Variants in ANKFN1 observed in about 807,000 individuals in gnomAD.
The protein encoded by ANKFN1 is ankyrin repeat and fibronectin type-III domain-containing protein 1.
Under a neutral mutation model 108.7 loss-of-function variants are expected in ANKFN1, and 74 were observed. That is an observed-to-expected ratio of 0.68 (90% CI 0.56 to 0.83). ANKFN1 has a LOEUF of 0.83. Ranked by LOEUF, ANKFN1 falls within the 40% of genes least tolerant of loss-of-function variation. ANKFN1 has a pLI of 0.00. For missense variants in ANKFN1, 1,505 were observed against 1,382.3 expected, an observed-to-expected ratio of 1.09 and a Z score of -1.41; for synonymous variants, 547 against 516.2, an observed-to-expected ratio of 1.06 and a Z score of -0.81.
Position 56,510,678 on chromosome 17 carries a change from G to A in ANKFN1, c.2850G>A (p.Gly950=). The change falls in exon 21 of 21, where the codon GGG becomes GGA. Residue 950 remains glycine, a synonymous_variant. Coordinates refer to ENST00000682825, the MANE Select transcript of ANKFN1 (RefSeq NM_001370326.1). ...LQVHDVKTPL[G]PGQDPQGEGP... ...TGCACGACGTGAAAACCCCTCTGGG[G>A]CCGGGCCAGGATCCCCAGGGCGAGG... The A allele has an allele frequency of 5.2e-6, 8 of 1,536,146 alleles. No individual in the cohort carries two copies. Among genetic ancestry groups the A allele is most frequent in the Non-Finnish European group, 6.1e-6 (7 of 1,146,920 alleles).
At chr17:56,088,204 A>C (rs1407983627) in intron 4 of ANKFN1, among the ~76,000 whole-genome samples, 1 of 151,266 alleles carries the variant, frequency 6.6e-6, no homozygotes, top group Non-Finnish European at 1.5e-5. Flanking sequence ...GTTTTTTAGC[A>C]CCAGCTAGAA....
intron 4 of ANKFN1, among the ~76,000 whole-genome samples, chr17:56,090,784 A>T (rs188455407): frequency 0.013 from 1,907 of 150,992 alleles, 90 homozygotes; most frequent in African/African-American, 0.044. Context: ...TTTTAAAAAA[A>T]TTTTGTACAG....
intron 8 of ANKFN1, among the ~76,000 whole-genome samples, chr17:56,382,999 T>C (rs1169882717): frequency 6.6e-6 from 1 of 151,912 alleles, no homozygotes; most frequent in Non-Finnish European, 1.5e-5. Flanking sequence ...TCTACAGAAC[T>C]CTCCACCCCA....
chr17:56,109,722 C>T (rs8065460), intron 4 of ANKFN1, among the ~76,000 whole-genome samples: 23,635 of 152,202 alleles, frequency 0.16, 2,027 homozygotes, highest in East Asian at 0.28. Context: ...GTAGGAAGTA[C>T]AGTATTAATA....
chr17:56,125,547 T>C (rs2143317144), intron 4 of ANKFN1, among the ~76,000 whole-genome samples: 1 of 152,336 alleles, frequency 6.6e-6, no homozygotes, highest in African/African-American at 2.4e-5. Flanking sequence ...GTGCTTACCA[T>C]GTTCCAGATA....
chr17:56,163,415 C>T (rs1444944668), intron 1 of ANKFN1, among the ~76,000 whole-genome samples: 3 of 152,220 alleles, frequency 2.0e-5, no homozygotes, highest in Non-Finnish European at 2.9e-5. Context: ...TGTAGCGGTG[C>T]AGAAAGCCCT....
At chr17:56,156,986 C>A (rs1037308678) in intron 1 of ANKFN1, among the ~76,000 whole-genome samples, 1 of 152,176 alleles carries the variant, frequency 6.6e-6, no homozygotes. Flanking sequence ...CATTCTTCTC[C>A]CTTAATTGGC....
intron 4 of ANKFN1, among the ~76,000 whole-genome samples, chr17:56,137,151 T>C (rs8075366): frequency 0.18 from 27,498 of 152,116 alleles, 2,861 homozygotes; most frequent in East Asian, 0.28. Flanking sequence ...ATCCAGCAGG[T>C]CAGATGTATT....
intron 4 of ANKFN1, among the ~76,000 whole-genome samples, chr17:56,141,249 A>G (rs1907899785): frequency 6.6e-6 from 1 of 152,198 alleles, no homozygotes; most frequent in Admixed American, 6.5e-5. Context: ...GCGCCACCAC[A>G]AGCCAATCTT....
At chr17:56,236,224 C>CT (rs1228932224) in intron 3 of ANKFN1, among the ~76,000 whole-genome samples, 2 of 151,596 alleles carry the variant, frequency 1.3e-5, no homozygotes, top group Admixed American at 6.6e-5. Flanking sequence ...CCCCCGGCTA[C>CT]TTTTTTGTAT....
intron 8 of ANKFN1, among the ~76,000 whole-genome samples, chr17:56,437,841 T>C (rs1482970645): frequency 6.6e-6 from 1 of 152,168 alleles, no homozygotes; most frequent in Non-Finnish European, 1.5e-5. Context: ...TGAGTTAATA[T>C]ATAATCTTAA....
At chr17:56,404,504 A>G (rs2047859235) in intron 8 of ANKFN1, among the ~76,000 whole-genome samples, 1 of 152,070 alleles carries the variant, frequency 6.6e-6, no homozygotes. Flanking sequence ...AAGTTTCCTG[A>G]CTTTTTTATG....
intron 3 of ANKFN1, among the ~76,000 whole-genome samples, chr17:56,325,058 A>G (rs1343647584): frequency 6.6e-6 from 1 of 152,230 alleles, no homozygotes; most frequent in Admixed American, 6.5e-5. Context: ...TTTATGATCA[A>G]GAGACTTTCT....
intron 8 of ANKFN1, among the ~76,000 whole-genome samples, chr17:56,428,378 T>G (rs887406182): frequency 6.6e-6 from 1 of 152,106 alleles, no homozygotes; most frequent in Non-Finnish European, 1.5e-5. Flanking sequence ...AGGATTTATT[T>G]TTTTTACTGT....
intron 3 of ANKFN1, among the ~76,000 whole-genome samples, chr17:56,244,771 A>C (rs979620939): frequency 6.6e-6 from 1 of 152,096 alleles, no homozygotes; most frequent in Admixed American, 6.6e-5. Flanking sequence ...TAGAATTCCC[A>C]TTGTGGCTCT....
intron 20 of ANKFN1, among the ~76,000 whole-genome samples, chr17:56,502,972 G>A (rs1032558514): frequency 3.3e-5 from 5 of 152,150 alleles, no homozygotes; most frequent in Non-Finnish European, 5.9e-5. Context: ...ACTCCTGTGC[G>A]TCAATTAAAA....
chr17:56,390,805 G>A (rs2047405360), intron 8 of ANKFN1, among the ~76,000 whole-genome samples: 2 of 152,036 alleles, frequency 1.3e-5, no homozygotes, highest in Admixed American at 1.3e-4. Flanking sequence ...CAACGATGAT[G>A]AGCTTTTTTT....
chr17:56,306,133 T>C (rs2044816899), intron 3 of ANKFN1, among the ~76,000 whole-genome samples: 1 of 152,256 alleles, frequency 6.6e-6, no homozygotes, highest in African/African-American at 2.4e-5. Flanking sequence ...GTTTTAGCTA[T>C]TCTGGTTCGT....
rs1259798951 is a variant in ANKFN1, at chr17:56,510,819, G to C, written c.2991G>C (p.Leu997=). Residue 997 remains leucine, a synonymous_variant, in exon 21 of 21, where the codon CTG becomes CTC. Transcript: ENST00000682825. ...VSGGRPPLGF[L]GKRKPGKHPH... ...GTGGGCGGCCCCCGCTAGGCTTCCT[G>C]GGAAAGCGGAAGCCAGGCAAGCACC... is the stretch of plus-strand genomic sequence containing the variant. 6.5e-6 allele frequency: 10 copies of C among 1,536,188 alleles called. No homozygotes were observed. The highest frequency in any genetic ancestry group is 3.3e-4 in the Middle Eastern group (2 of 5,990).
Sources: gnomAD v4.1 joint callset for allele counts (sites outside exome capture counted in the v4.1 genomes callset) on GRCh38, gnomAD v4.1.1 for gene constraint, MANE v1.5 for transcripts, NCBI Gene and HGNC (gene_info 2026-07-23, HGNC 2026-07-21) for gene names.